The following CAGE1 variants were observed in gnomAD, a reference collection of about 807,000 sequenced individuals.
CAGE1 encodes cancer antigen 1.
A neutral mutation model predicts 94.9 loss-of-function variants in CAGE1; 66 were observed. The ratio of observed to expected loss-of-function variants is 0.70; its 90% CI spans 0.57 to 0.85. The LOEUF (loss-of-function observed/expected upper bound fraction) is 0.85. Ranked by LOEUF, CAGE1 falls within the 40% of genes least tolerant of loss-of-function variation. The pLI is 0.00. For missense variants in CAGE1, 865 were observed against 950.4 expected, an observed-to-expected ratio of 0.91 and a Z score of 1.18; for synonymous variants, 319 against 321.0, an observed-to-expected ratio of 0.99 and a Z score of 0.07.
intron 12 of CAGE1, among the ~76,000 whole-genome samples, chr6:7,333,336 A>T (rs1758819640): frequency 6.6e-6 from 1 of 152,184 alleles, no homozygotes; most frequent in South Asian, 2.1e-4. Context: ...AAAATAGCAG[A>T]CTGTGAGGCT....
chr6:7,345,616 C>A (rs753686639), intron 11 of CAGE1, among the ~76,000 whole-genome samples: 1 of 152,112 alleles, frequency 6.6e-6, no homozygotes, highest in Admixed American at 6.5e-5. Context: ...CTGTTTCTAA[C>A]GTCTAAGGCC....
At chr6:7,343,198 A>AAAAAAAAAAGAAAAGAAAAG (rs574460085) in intron 11 of CAGE1, among the ~76,000 whole-genome samples, 168 of 137,356 alleles carry the variant, frequency 1.2e-3, no homozygotes, top group Middle Eastern at 7.5e-3. Flanking sequence ...CACAAAAAAA[A>AAAAAAAAAAGAAAAGAAAAG]AAAAGAAAAG....
intron 8 of CAGE1, 30 bp downstream of exon 8, chr6:7,365,774 A>C: frequency 7.2e-7 from 1 of 1,394,550 alleles, no homozygotes; most frequent in South Asian, 1.3e-5. Context: ...TTTTATGTTA[A>C]AGATAGTACG....
At chr6:7,329,962 T>TG (rs66527248) in intron 12 of CAGE1, 74 bp from the exon 13 acceptor site, 1 of 524,384 alleles carries the variant, frequency 1.9e-6, no homozygotes, top group Non-Finnish European at 3.5e-6. Flanking sequence ...GTGAGCAAGT[T>TG]GCCATTATTT....
intron 5 of CAGE1, 118 bp from the exon 6 acceptor site, chr6:7,370,183 T>C (rs1760492921): frequency 5.1e-6 from 3 of 590,090 alleles, no homozygotes; most frequent in Non-Finnish European, 8.2e-6. Flanking sequence ...TCTCAAACTT[T>C]TTCATCTTAG....
chr6:7,331,684 T>C, intron 12 of CAGE1: 1 of 186,746 alleles, frequency 5.4e-6, no homozygotes, highest in Non-Finnish European at 1.1e-5. Context: ...CATCTTAAAC[T>C]CTTCGAGGTG....
chr6:7,383,187 G>A (rs767363647), intron 3 of CAGE1, among the ~76,000 whole-genome samples: 14 of 152,162 alleles, frequency 9.2e-5, no homozygotes, highest in Non-Finnish European at 2.1e-4. Flanking sequence ...GTCTTGTGCC[G>A]TGATTCTGTT....
At chr6:7,352,290 C>CAAAAAAAAAAAAACAAA (rs1759798735) in intron 11 of CAGE1, among the ~76,000 whole-genome samples, 1 of 43,632 alleles carries the variant, frequency 2.3e-5, no homozygotes, top group African/African-American at 5.9e-5. Flanking sequence ...ACAATAGCTG[C>CAAAAAAAAAAAAACAAA]AAAAAAAAAA....
intron 11 of CAGE1, among the ~76,000 whole-genome samples, chr6:7,343,799 C>T (rs1759290381): frequency 6.6e-6 from 1 of 152,052 alleles, no homozygotes; most frequent in Non-Finnish European, 1.5e-5. Flanking sequence ...AATGGGAAGC[C>T]AGGACAGGAA....
At chr6:7,355,563 A>G (rs1414642298) in intron 10 of CAGE1, among the ~76,000 whole-genome samples, 1 of 152,260 alleles carries the variant, frequency 6.6e-6, no homozygotes, top group Non-Finnish European at 1.5e-5. Flanking sequence ...TTCAGCTAAA[A>G]GGATAATGGG....
intron 11 of CAGE1, among the ~76,000 whole-genome samples, chr6:7,353,319 C>T (rs1304671211): frequency 6.6e-6 from 1 of 152,098 alleles, no homozygotes; most frequent in Non-Finnish European, 1.5e-5. Context: ...CAGAGAAATG[C>T]AAATCAAAAC....
At chr6:7,384,739 G>C (rs1581701592) in intron 3 of CAGE1, among the ~76,000 whole-genome samples, 2 of 151,066 alleles carry the variant, frequency 1.3e-5, no homozygotes, top group South Asian at 4.2e-4. Flanking sequence ...TTTGAGACAA[G>C]GTCTCACTAT....
At position 7,368,745 on chromosome 6, in the gene CAGE1, A is replaced by T; in HGVS notation, c.1947T>A (p.Asp649Glu). 6.4e-7 allele frequency: 1 copy of T among 1,561,176 alleles called. No homozygotes were observed. The highest frequency in any genetic ancestry group is 1.2e-5 in the South Asian group (1 of 82,962). ...EHFKESEKVS[D>E]IMLQKLKSLH... ...GGCTCTTCAGTTTTTGCAGCATTAT[A>T]TCACTAACCTTCTCACTCTCTTTGA... Residue 649 changes from aspartate (D) to glutamate (E), a missense_variant, in exon 7 of 14, where the codon GAT becomes GAA. Physicochemically the swap from Asp to Glu is conservative, Grantham distance 45 (BLOSUM62 2). Coordinates refer to ENST00000502583, the MANE Select transcript of CAGE1 (RefSeq NM_001170692.2).
chr6:7,333,917 C>T, intron 12 of CAGE1, 105 bp downstream of exon 12: 3 of 660,502 alleles, frequency 4.5e-6, no homozygotes, highest in East Asian at 6.5e-5. Flanking sequence ...ATCCACCCAC[C>T]TTGGCCTCCC....
chr6:7,385,125 C>T (rs1016339744), intron 3 of CAGE1, among the ~76,000 whole-genome samples: 1 of 152,122 alleles, frequency 6.6e-6, no homozygotes, highest in African/African-American at 2.4e-5. Flanking sequence ...CCTGCCTAAG[C>T]CTCCCAAGTA....
intron 3 of CAGE1, among the ~76,000 whole-genome samples, chr6:7,383,338 C>T (rs1761006432): frequency 6.6e-6 from 1 of 152,196 alleles, no homozygotes; most frequent in Non-Finnish European, 1.5e-5. Flanking sequence ...TAAGTTAGAA[C>T]TTTGCAGTTC....
chr6:7,383,537 C>T (rs1761011618), intron 3 of CAGE1, among the ~76,000 whole-genome samples: 1 of 152,162 alleles, frequency 6.6e-6, no homozygotes, highest in Non-Finnish European at 1.5e-5. Flanking sequence ...TGGACTTTGT[C>T]TTTTATTTAT....
At chr6:7,364,064 C>G (rs1046919854) in intron 9 of CAGE1, among the ~76,000 whole-genome samples, 9 of 152,174 alleles carry the variant, frequency 5.9e-5, no homozygotes, top group Non-Finnish European at 1.2e-4. Context: ...CATTCCAGCT[C>G]CCACTGCTGG....
At chr6:7,345,081 C>T (rs928301692) in intron 11 of CAGE1, among the ~76,000 whole-genome samples, 1 of 152,096 alleles carries the variant, frequency 6.6e-6, no homozygotes, top group East Asian at 1.9e-4. Context: ...TTTGTTCTTT[C>T]ACCCTGCAGT....
Sources: allele counts gnomAD v4.1 joint callset (sites outside exome capture counted in the v4.1 genomes callset), GRCh38; gene constraint gnomAD v4.1.1; transcripts MANE v1.5; gene names NCBI Gene and HGNC (gene_info 2026-07-23, HGNC 2026-07-21).